The following SCRG1 variants were observed in gnomAD, a reference collection of about 807,000 sequenced individuals.
SCRG1 encodes the protein stimulator of chondrogenesis 1, also known as scrapie-responsive protein 1.
In SCRG1, 3 loss-of-function variants were observed where a neutral mutation model predicts 7.7. That is an observed-to-expected ratio of 0.39 (90% CI 0.18 to 1.01). The LOEUF (loss-of-function observed/expected upper bound fraction) is 1.01, where lower values mean the gene tolerates loss of function less well. Ranked by LOEUF, SCRG1 falls within the 50% of genes least tolerant of loss-of-function variation. The pLI, the probability that SCRG1 is intolerant of heterozygous loss-of-function variation, is 0.36. For synonymous variants in SCRG1, 46 were observed against 41.2 expected (o/e 1.12, Z -0.44); for missense variants, 110 against 117.2 (o/e 0.94, Z 0.28).
chr4:173,395,899 G>A (rs1029068194), intron 1 of SCRG1, among the ~76,000 whole-genome samples: 1 of 152,206 alleles, frequency 6.6e-6, no homozygotes, highest in African/African-American at 2.4e-5. Flanking sequence ...GGGCCTAGAA[G>A]ATATGATAAA....
the SCRG1 span, among the ~76,000 whole-genome samples, chr4:173,474,640 G>A: frequency 6.6e-6 from 1 of 152,188 alleles, no homozygotes; most frequent in African/African-American, 2.4e-5. Flanking sequence ...CATTGGAGGT[G>A]TCGGATGTCA....
upstream of SCRG1, among the ~76,000 whole-genome samples, chr4:173,407,462 G>C (rs1157888935): frequency 6.6e-6 from 1 of 151,932 alleles, no homozygotes; most frequent in Non-Finnish European, 1.5e-5. Flanking sequence ...TTGAACTTGG[G>C]AGGTGGAAGT....
At chr4:173,399,430 T>A (rs1739694944), upstream of SCRG1, 1 of 150,452 alleles carries the variant, frequency 6.6e-6, no homozygotes, top group Non-Finnish European at 1.5e-5. Flanking sequence ...CTGAGGGATT[T>A]TAAAAGAACA....
At chr4:173,404,119 G>A (rs1480669802) in exon 3 of SCRG1, 1 of 152,176 alleles carries the variant, frequency 6.6e-6, no homozygotes, top group Non-Finnish European at 1.5e-5. Context: ...AAAAAATTAA[G>A]CACTTGGCCA....
chr4:173,483,567 T>C, the SCRG1 span, among the ~76,000 whole-genome samples: 1 of 89,390 alleles, frequency 1.1e-5, no homozygotes, highest in South Asian at 3.6e-4. Context: ...TATTGTATTG[T>C]GATATATAAT....
At chr4:173,479,710 G>T in the SCRG1 span, among the ~76,000 whole-genome samples, 6 of 152,092 alleles carry the variant, frequency 3.9e-5, no homozygotes, top group African/African-American at 1.4e-4. Flanking sequence ...AAATTGCTGG[G>T]ATTACAGGCG....
the SCRG1 span, among the ~76,000 whole-genome samples, chr4:173,513,036 C>T: frequency 2.6e-5 from 4 of 152,104 alleles, no homozygotes; most frequent in Non-Finnish European, 4.4e-5. Flanking sequence ...CCCATATGAA[C>T]CATCTATGGA....
the SCRG1 span, among the ~76,000 whole-genome samples, chr4:173,424,864 G>A: frequency 6.0e-5 from 5 of 82,672 alleles, no homozygotes; most frequent in South Asian, 4.3e-4. Context: ...AGCCGAGATC[G>A]CACCAGCTTG....
the SCRG1 span, among the ~76,000 whole-genome samples, chr4:173,505,862 C>G: frequency 7.2e-5 from 11 of 152,164 alleles, no homozygotes; most frequent in Non-Finnish European, 1.6e-4. The surrounding 1 kb of genome is among the most constrained non-coding windows in gnomAD (Gnocchi z 4.4). Context: ...TTCCAGAGCT[C>G]CACACTTCGT....
At chr4:173,400,268 T>C (rs1260861205), upstream of SCRG1, among the ~76,000 whole-genome samples, 2 of 152,248 alleles carry the variant, frequency 1.3e-5, no homozygotes, top group East Asian at 1.9e-4. Flanking sequence ...AGCATAGAGA[T>C]AGGAAATTTT....
At chr4:173,441,461 C>G in the SCRG1 span, among the ~76,000 whole-genome samples, 1 of 152,156 alleles carries the variant, frequency 6.6e-6, no homozygotes, top group African/African-American at 2.4e-5. Context: ...AATCCCACCC[C>G]CTCTGTCCTG....
At chr4:173,409,022 A>G (rs577130011), upstream of SCRG1, among the ~76,000 whole-genome samples, 2 of 151,790 alleles carry the variant, frequency 1.3e-5, no homozygotes, top group Admixed American at 6.6e-5. Context: ...AAAGAAAAGA[A>G]AAGAAAAAGA....
At chr4:173,425,483 A>C in the SCRG1 span, among the ~76,000 whole-genome samples, 83 of 152,310 alleles carry the variant, frequency 5.4e-4, no homozygotes, top group Admixed American at 1.2e-3. Context: ...ATTTTAAAAG[A>C]TATCCACTCT....
At chr4:173,504,887 C>T in the SCRG1 span, among the ~76,000 whole-genome samples, 1 of 152,172 alleles carries the variant, frequency 6.6e-6, no homozygotes. The surrounding 1 kb of genome is among the most constrained non-coding windows in gnomAD (Gnocchi z 4.7). Context: ...CAGCAGAAAC[C>T]ATGGCAGAGG....
the SCRG1 span, among the ~76,000 whole-genome samples, chr4:173,508,955 G>C: frequency 2.0e-5 from 3 of 152,070 alleles, no homozygotes; most frequent in Non-Finnish European, 1.5e-5. The surrounding 1 kb of genome is among the most constrained non-coding windows in gnomAD (Gnocchi z 4.4). Context: ...GTGCCGAGGC[G>C]AGATAGCCAG....
At chr4:173,430,567 T>C in the SCRG1 span, among the ~76,000 whole-genome samples, 2 of 151,828 alleles carry the variant, frequency 1.3e-5, no homozygotes, top group East Asian at 3.9e-4. Context: ...GGCAGGAGGA[T>C]CACTTGAGCC....
the SCRG1 span, among the ~76,000 whole-genome samples, chr4:173,449,435 CTT>C: frequency 0.45 from 51,605 of 115,696 alleles, 10,655 homozygotes; most frequent in Non-Finnish European, 0.56. Context: ...CATGATAAAT[CTT>C]TTTTTTTTTT....
the SCRG1 span, among the ~76,000 whole-genome samples, chr4:173,476,354 G>GA: frequency 8.0e-3 from 562 of 70,160 alleles, 14 homozygotes; most frequent in African/African-American, 0.025. Flanking sequence ...CTCTGAGGGG[G>GA]AAAAAAAAAA....
At chr4:173,460,335 C>A in the SCRG1 span, among the ~76,000 whole-genome samples, 2 of 152,182 alleles carry the variant, frequency 1.3e-5, no homozygotes, top group African/African-American at 4.8e-5. Context: ...CCAGCTGGGG[C>A]AGCCAAAGAA....
Sources: allele counts gnomAD v4.1 joint callset (sites outside exome capture counted in the v4.1 genomes callset), GRCh38; gene constraint gnomAD v4.1.1; non-coding constraint Gnocchi (gnomAD v3.1); transcripts MANE v1.5; gene names NCBI Gene and HGNC (gene_info 2026-07-23, HGNC 2026-07-21).